PDE4B: variants seen among roughly 807,000 people sequenced by gnomAD.
The protein encoded by PDE4B is 3',5'-cyclic-AMP phosphodiesterase 4B.
A neutral mutation model predicts 82.2 loss-of-function variants in PDE4B; 20 were observed. The observed-to-expected ratio is 0.24, with a 90% CI of 0.17 to 0.35. The LOEUF (loss-of-function observed/expected upper bound fraction) is 0.35. Among genes scored for constraint, PDE4B ranks in the 10% least tolerant of loss-of-function variants. PDE4B has a pLI of 1.00. For missense variants in PDE4B, 655 were observed against 907.2 expected, an observed-to-expected ratio of 0.72 and a Z score of 3.57; for synonymous variants, 320 against 318.9, an observed-to-expected ratio of 1.00 and a Z score of -0.04.
At chr1:65,988,200 A>AT (rs1315565596) in intron 3 of PDE4B, among the ~76,000 whole-genome samples, 5 of 152,266 alleles carry the variant, frequency 3.3e-5, no homozygotes, top group Admixed American at 3.3e-4. Flanking sequence ...TGTAAGTTAC[A>AT]TCTCTATAAT....
chr1:66,045,114 G>T (rs888183802), intron 3 of PDE4B, among the ~76,000 whole-genome samples: 1 of 151,788 alleles, frequency 6.6e-6, no homozygotes, highest in African/African-American at 2.4e-5. Context: ...TTGTCACGAG[G>T]TGGAGCTTAC....
intron 3 of PDE4B, among the ~76,000 whole-genome samples, chr1:65,949,192 A>G (rs1450620946): frequency 1.3e-5 from 2 of 151,962 alleles, no homozygotes; most frequent in African/African-American, 4.8e-5. Flanking sequence ...ATCTCACATC[A>G]TTATTCCCAG....
At chr1:65,939,441 G>A (rs1207454489) in intron 3 of PDE4B, among the ~76,000 whole-genome samples, 1 of 152,084 alleles carries the variant, frequency 6.6e-6, no homozygotes, top group Non-Finnish European at 1.5e-5. Flanking sequence ...AAGACAAAAG[G>A]GCTCTGAATA....
chr1:65,960,962 A>T (rs962878707), intron 3 of PDE4B, among the ~76,000 whole-genome samples: 11 of 152,006 alleles, frequency 7.2e-5, no homozygotes, highest in African/African-American at 2.7e-4. Context: ...ACATTTTTGG[A>T]CTCCTGGTAA....
At chr1:65,873,848 A>C (rs1646603943) in intron 1 of PDE4B, among the ~76,000 whole-genome samples, 1 of 152,176 alleles carries the variant, frequency 6.6e-6, no homozygotes, top group South Asian at 2.1e-4. Flanking sequence ...AGTTTGTTCA[A>C]ACACATTCTT....
intron 3 of PDE4B, among the ~76,000 whole-genome samples, chr1:66,131,220 C>T (rs907609094): frequency 6.6e-6 from 1 of 152,100 alleles, no homozygotes; most frequent in Non-Finnish European, 1.5e-5. Context: ...AGGGTAAGAG[C>T]TAATGAGCAA....
intron 3 of PDE4B, among the ~76,000 whole-genome samples, chr1:66,235,959 A>G (rs2101644326): frequency 6.6e-6 from 1 of 152,300 alleles, no homozygotes; most frequent in Admixed American, 6.5e-5. Flanking sequence ...TGGCCATCCA[A>G]AATTGAAGCT....
At chr1:65,805,615 C>G (rs748475797) in intron 1 of PDE4B, among the ~76,000 whole-genome samples, 12 of 151,814 alleles carry the variant, frequency 7.9e-5, no homozygotes, top group Non-Finnish European at 1.6e-4. Flanking sequence ...TTGGTTTAAT[C>G]TTTTGTATTG....
At chr1:66,292,525 A>T (rs945599762) in intron 7 of PDE4B, among the ~76,000 whole-genome samples, 3 of 152,182 alleles carry the variant, frequency 2.0e-5, no homozygotes, top group African/African-American at 7.2e-5. Context: ...AATAATACTG[A>T]CTTTGCATGG....
intron 3 of PDE4B, among the ~76,000 whole-genome samples, chr1:66,009,024 C>G (rs1652315969): frequency 6.6e-6 from 1 of 152,142 alleles, no homozygotes; most frequent in African/African-American, 2.4e-5. Context: ...AGATCTATGT[C>G]TCTCTCCAGC....
chr1:66,203,752 AT>A (rs1355090889), intron 3 of PDE4B, among the ~76,000 whole-genome samples: 2 of 151,502 alleles, frequency 1.3e-5, no homozygotes, highest in Admixed American at 6.6e-5. Context: ...CATTCATCTA[AT>A]TTTTTTTCAA....
chr1:65,869,322 A>C (rs1646547171), intron 1 of PDE4B, among the ~76,000 whole-genome samples: 1 of 152,218 alleles, frequency 6.6e-6, no homozygotes, highest in African/African-American at 2.4e-5. Flanking sequence ...TTCTTGAGGG[A>C]TATTAAATAT....
chr1:65,827,608 G>C (rs1486698084), intron 1 of PDE4B, among the ~76,000 whole-genome samples: 1 of 152,106 alleles, frequency 6.6e-6, no homozygotes, highest in Admixed American at 6.6e-5. Context: ...AGAGAAAATA[G>C]ATTTGAGAAA....
At chr1:66,045,941 TA>T (rs1411032539) in intron 3 of PDE4B, among the ~76,000 whole-genome samples, 1 of 151,750 alleles carries the variant, frequency 6.6e-6, no homozygotes, top group Non-Finnish European at 1.5e-5. Context: ...GTGAGAACCA[TA>T]CCACAAATGA....
intron 3 of PDE4B, among the ~76,000 whole-genome samples, chr1:66,157,222 C>T (rs1159761456): frequency 6.6e-6 from 1 of 152,200 alleles, no homozygotes; most frequent in Non-Finnish European, 1.5e-5. Flanking sequence ...AGCATCTTGT[C>T]TGTCCACACG....
chr1:65,983,556 C>T (rs1166076126), intron 3 of PDE4B, among the ~76,000 whole-genome samples: 1 of 152,098 alleles, frequency 6.6e-6, no homozygotes, highest in Non-Finnish European at 1.5e-5. Flanking sequence ...TGACTGGTAT[C>T]TTTATTAAAA....
At chr1:66,320,603 A>G (rs753289181) in intron 7 of PDE4B, among the ~76,000 whole-genome samples, 2 of 152,186 alleles carry the variant, frequency 1.3e-5, no homozygotes, top group Non-Finnish European at 2.9e-5. Context: ...TGCATAGCCC[A>G]TCTGTTGATA....
chr1:66,176,024 A>C (rs1284823495), intron 3 of PDE4B, among the ~76,000 whole-genome samples: 1 of 152,250 alleles, frequency 6.6e-6, no homozygotes, highest in East Asian at 1.9e-4. Context: ...TTTAGTACTT[A>C]GAAGCTGGTT....
chr1:66,187,825 T>C (rs1403098710), intron 3 of PDE4B, among the ~76,000 whole-genome samples: 1 of 152,008 alleles, frequency 6.6e-6, no homozygotes, highest in African/African-American at 2.4e-5. Context: ...TTTCTGTGTC[T>C]CTATTTCCTT....
Sources: gnomAD v4.1 joint callset for allele counts (sites outside exome capture counted in the v4.1 genomes callset) on GRCh38, gnomAD v4.1.1 for gene constraint, MANE v1.5 for transcripts, NCBI Gene and HGNC (gene_info 2026-07-23, HGNC 2026-07-21) for gene names.